Variants in GNA14 observed in about 807,000 individuals in gnomAD.
GNA14 encodes G protein subunit alpha 14, also known as guanine nucleotide-binding protein subunit alpha-14.
In GNA14, 50 loss-of-function variants were observed where a neutral mutation model predicts 42.0. That is an observed-to-expected ratio of 1.19 (90% CI 0.95 to 1.51). The LOEUF (loss-of-function observed/expected upper bound fraction) is 1.51, where lower values mean the gene tolerates loss of function less well. Ranked by LOEUF, GNA14 falls within the 40% of genes most tolerant of loss-of-function variation. The probability of loss-of-function intolerance (pLI) is 0.00; values close to 1 mark genes in which losing one functional copy is unlikely to be tolerated. For missense variants in GNA14, 473 were observed against 446.2 expected (o/e 1.06, Z -0.54); for synonymous variants, 173 against 163.1 (o/e 1.06, Z -0.46).
At chr9:77,537,387 C>T (rs2131774118) in intron 1 of GNA14, among the ~76,000 whole-genome samples, 1 of 152,288 alleles carries the variant, frequency 6.6e-6, no homozygotes, top group South Asian at 2.1e-4. Flanking sequence ...CATTTACATC[C>T]ATGTTGCTGC....
chr9:77,434,447 T>G lies in GNA14; in HGVS notation c.385A>C (p.Lys129Gln), dbSNP rs1295653316. The change falls in exon 3 of 7, where the codon AAG becomes CAG. Residue 129 changes from lysine to glutamine, a missense_variant. Coordinates refer to ENST00000341700, the MANE Select transcript of GNA14 (RefSeq NM_004297.4). ...MLSREQVEAI[K>Q]QLWQDPGIQE... ...ATGCCTGGATCTTGCCAGAGCTGCT[T>G]GATGGCCTCCACCTGCTCCCTGGAG... The G allele has an allele frequency of 6.2e-7, 1 of 1,613,636 alleles. No individual in the cohort carries two copies. The highest frequency in any genetic ancestry group is 2.2e-5 in the East Asian group (1 of 44,886).
intron 1 of GNA14, among the ~76,000 whole-genome samples, chr9:77,635,000 A>C (rs767571657): frequency 3.9e-5 from 6 of 152,166 alleles, no homozygotes; most frequent in Non-Finnish European, 8.8e-5. Context: ...GTTCCCACAC[A>C]CGTTTGGTCA....
intron 2 of GNA14, among the ~76,000 whole-genome samples, chr9:77,438,159 T>C (rs1835669041): frequency 6.6e-6 from 1 of 152,134 alleles, no homozygotes; most frequent in African/African-American, 2.4e-5. Context: ...GAGCTCAGCC[T>C]CTTTGGAAAC....
rs185232261 is a variant in GNA14, at chr9:77,467,127, G to A, written c.310-32605C>T. Among the ~76,000 whole-genome samples, 321 of 151,968 alleles carry A rather than the reference G, an allele frequency of 2.1e-3. 2 individuals are homozygous for A. Among genetic ancestry groups the A allele is most frequent in the Middle Eastern group, 3.4e-3 (1 of 294 alleles). On this transcript the variant is annotated intron_variant, in intron 2 of 6. Coordinates refer to ENST00000341700, the MANE Select transcript of GNA14 (RefSeq NM_004297.4). ...GTAGCTCAGAGTTACTAGTTAAAGA[G>A]CGTCTCTTTCTGGGCACTCCTGAGG...
intron 1 of GNA14, among the ~76,000 whole-genome samples, chr9:77,531,924 AT>A (rs1465207675): frequency 3.3e-5 from 5 of 152,252 alleles, no homozygotes; most frequent in Admixed American, 2.6e-4. Flanking sequence ...AAATACCCAT[AT>A]TTTAAAATAT....
At chr9:77,563,159 A>G (rs1197623574) in intron 1 of GNA14, among the ~76,000 whole-genome samples, 1 of 152,210 alleles carries the variant, frequency 6.6e-6, no homozygotes, top group Non-Finnish European at 1.5e-5. Context: ...CCCAGGAGCT[A>G]AAACCAAATG....
At chr9:77,647,238 G>A (rs1003100348) in intron 1 of GNA14, among the ~76,000 whole-genome samples, 1 of 152,170 alleles carries the variant, frequency 6.6e-6, no homozygotes, top group Non-Finnish European at 1.5e-5. Context: ...GCACGATCTG[G>A]CACATGGTAA....
At chr9:77,452,656 G>T (rs796841803) in intron 2 of GNA14, among the ~76,000 whole-genome samples, 1 of 242 alleles carries the variant, frequency 4.1e-3, no homozygotes, top group Non-Finnish European at 8.6e-3. Context: ...GTGTTTGTGT[G>T]TGTGTCTGTG....
intron 2 of GNA14, among the ~76,000 whole-genome samples, chr9:77,450,486 C>T (rs150500893): frequency 1.4e-3 from 219 of 152,230 alleles, no homozygotes; most frequent in African/African-American, 5.0e-3. Flanking sequence ...TGTGAATTCA[C>T]CTACTTGCTA....
intron 2 of GNA14, among the ~76,000 whole-genome samples, chr9:77,484,266 T>C (rs999985181): frequency 1.3e-5 from 2 of 152,152 alleles, no homozygotes; most frequent in South Asian, 4.1e-4. Flanking sequence ...AATTTATAAA[T>C]ACAGTTTGTC....
chr9:77,640,723 GT>G lies in GNA14; in HGVS notation c.124+6946del, dbSNP rs1824243328. On this transcript the variant is annotated intron_variant, in intron 1 of 6. Coordinates refer to ENST00000341700, the MANE Select transcript of GNA14 (RefSeq NM_004297.4). Reference sequence around the variant, plus strand: ...TAGGGACTTGATATCTTTGTTTCAAGTGGCTTAAAGATTTTTTTTAAAAGAT... The same window carrying G: ...TAGGGACTTGATATCTTTGTTTCAAGGGCTTAAAGATTTTTTTTAAAAGAT... Among the ~76,000 whole-genome samples, 5 of 151,816 alleles carry G rather than the reference GT, an allele frequency of 3.3e-5. No individual in the cohort carries two copies. The South Asian group carries it at 1.0e-3, about 32-fold the overall frequency.
chr9:77,634,624 A>G (rs1308286199), intron 1 of GNA14, among the ~76,000 whole-genome samples: 1 of 151,976 alleles, frequency 6.6e-6, no homozygotes, highest in Non-Finnish European at 1.5e-5. Context: ...TCCTTATACC[A>G]CTTATCCAAA....
intron 2 of GNA14, among the ~76,000 whole-genome samples, chr9:77,497,549 T>C (rs1395780369): frequency 6.6e-6 from 1 of 152,210 alleles, no homozygotes; most frequent in Non-Finnish European, 1.5e-5. Flanking sequence ...CTGACCACTA[T>C]TGGCGCATTT....
chr9:77,539,713 ATTTC>A (rs1837637002), intron 1 of GNA14, among the ~76,000 whole-genome samples: 1 of 151,936 alleles, frequency 6.6e-6, no homozygotes, highest in Non-Finnish European at 1.5e-5. Flanking sequence ...TAGGTTTTCT[ATTTC>A]TTCCTGATTC....
chr9:77,622,344 T>C (rs886763501), intron 1 of GNA14, among the ~76,000 whole-genome samples: 8 of 152,142 alleles, frequency 5.3e-5, no homozygotes, highest in African/African-American at 1.7e-4. Flanking sequence ...ATAAGAAATA[T>C]TGGTCGTGAG....
At chr9:77,544,740 CAT>C (rs1214592327) in intron 1 of GNA14, among the ~76,000 whole-genome samples, 5 of 150,682 alleles carry the variant, frequency 3.3e-5, no homozygotes, top group African/African-American at 1.2e-4. Flanking sequence ...GAGAATGACT[CAT>C]AATTGTTTTA....
intron 1 of GNA14, among the ~76,000 whole-genome samples, chr9:77,634,084 C>G (rs982909770): frequency 3.7e-4 from 56 of 152,140 alleles, no homozygotes; most frequent in African/African-American, 1.3e-3. Flanking sequence ...GTTTTGGTTA[C>G]ATATCAAAAT....
chr9:77,436,253 G>A (rs370389974), intron 2 of GNA14, among the ~76,000 whole-genome samples: 8 of 152,120 alleles, frequency 5.3e-5, no homozygotes, highest in African/African-American at 9.7e-5. Flanking sequence ...TGGAAAGTGC[G>A]CTGGCCTGGG....
intron 2 of GNA14, among the ~76,000 whole-genome samples, chr9:77,482,804 T>C (rs1314408199): frequency 2.6e-5 from 4 of 152,244 alleles, no homozygotes; most frequent in Non-Finnish European, 5.9e-5. Context: ...TTTCATTCAT[T>C]TCGTCTTCCA....
Sources: gnomAD v4.1 joint callset for allele counts (sites outside exome capture counted in the v4.1 genomes callset) on GRCh38, gnomAD v4.1.1 for gene constraint, MANE v1.5 for transcripts, NCBI Gene and HGNC (gene_info 2026-07-23, HGNC 2026-07-21) for gene names.